The following NQO2 variants were observed in gnomAD, a reference collection of about 807,000 sequenced individuals.
NQO2 encodes the protein ribosyldihydronicotinamide dehydrogenase [quinone].
In NQO2, 18 loss-of-function variants were observed where a neutral mutation model predicts 22.0. That is an observed-to-expected ratio of 0.82 (90% CI 0.56 to 1.21). NQO2 has a LOEUF of 1.21. Among genes scored for constraint, NQO2 ranks in the 50% most tolerant of loss-of-function variants. NQO2 has a pLI of 0.00. For synonymous variants in NQO2, 106 were observed against 110.8 expected, an observed-to-expected ratio of 0.96 and a Z score of 0.28; for missense variants, 267 against 286.9, an observed-to-expected ratio of 0.93 and a Z score of 0.50.
intron 1 of NQO2, among the ~76,000 whole-genome samples, chr6:3,003,169 T>A (rs1756796663): frequency 2.0e-5 from 3 of 152,166 alleles, no homozygotes; most frequent in Admixed American, 2.0e-4. Flanking sequence ...CTCACTCTCC[T>A]CTCTTTTTCC....
intron 2 of NQO2, among the ~76,000 whole-genome samples, chr6:3,007,624 A>G (rs1468938679): frequency 6.6e-6 from 1 of 152,244 alleles, no homozygotes; most frequent in Non-Finnish European, 1.5e-5. Flanking sequence ...GTCAGTATAT[A>G]AGCCTGGAGA....
intron 1 of NQO2, among the ~76,000 whole-genome samples, chr6:3,000,629 C>T (rs1186335725): frequency 6.6e-6 from 1 of 151,910 alleles, no homozygotes; most frequent in Admixed American, 6.5e-5. Flanking sequence ...GCAACCTCCG[C>T]CTCCCGGGTT....
chr6:3,007,725 C>T (rs1418102848), intron 2 of NQO2, among the ~76,000 whole-genome samples: 1 of 152,190 alleles, frequency 6.6e-6, no homozygotes, highest in Non-Finnish European at 1.5e-5. Flanking sequence ...CTAGAGTCCT[C>T]TTTGTTATCA....
intron 3 of NQO2, 35 bp downstream of exon 3, chr6:3,010,224 C>A: frequency 6.6e-7 from 1 of 1,508,426 alleles, no homozygotes; most frequent in South Asian, 1.3e-5. Flanking sequence ...TTTATAAAAA[C>A]CATCTTTATG....
chr6:3,017,062 A>G (rs1233865528), intron 6 of NQO2, 77 bp downstream of exon 6: 2 of 1,490,736 alleles, frequency 1.3e-6, no homozygotes, highest in African/African-American at 2.8e-5. Context: ...ATGCATACAC[A>G]CACACACGCA....
intron 1 of NQO2, chr6:3,005,551 C>T (rs1366668284): frequency 1.6e-6 from 1 of 632,708 alleles, no homozygotes; most frequent in Non-Finnish European, 2.0e-6. Flanking sequence ...GGAGAAAAGC[C>T]TACACAAGCC....
chr6:3,006,409 G>A lies in NQO2; in HGVS notation c.-85-59G>A. On this transcript the variant is annotated intron_variant, in intron 1 of 6. Coordinates refer to ENST00000380455, the MANE Select transcript of NQO2 (RefSeq NM_000904.6). The surrounding 1 kb of genome is among the most constrained non-coding windows in gnomAD (Gnocchi z 4.0). ...GAAGCAGCAGTGATGCCTAGATGTG[G>A]TACATTCGACCTCACCTATGCCTCT... 4 of 1,493,266 alleles carry A rather than the reference G, an allele frequency of 2.7e-6. No individual in the cohort carries two copies. The highest frequency in any genetic ancestry group is 3.6e-6 in the Non-Finnish European group (4 of 1,124,274). The allele number at this position is 1,493,266 out of a possible 1,614,324, so 92.5% of individuals were successfully genotyped here. A position where few individuals can be genotyped will look rare whatever the true frequency, so the allele number is the denominator to read the frequency against.
At chr6:3,017,191 A>G (rs28383640) in intron 6 of NQO2, among the ~76,000 whole-genome samples, 1 of 152,220 alleles carries the variant, frequency 6.6e-6, no homozygotes, top group Non-Finnish European at 1.5e-5. Flanking sequence ...CCCCTTTTAA[A>G]TGCTTTACTT....
chr6:3,002,912 C>G (rs970862635), intron 1 of NQO2, among the ~76,000 whole-genome samples: 1 of 152,138 alleles, frequency 6.6e-6, no homozygotes, highest in African/African-American at 2.4e-5. Context: ...CACCACCACA[C>G]CTGGCTAATT....
At chr6:3,005,527 A>T (rs1016243771) in intron 1 of NQO2, 2 of 390,868 alleles carry the variant, frequency 5.1e-6, no homozygotes, top group Non-Finnish European at 7.0e-6. Flanking sequence ...CTTACTGACC[A>T]TTCATACATC....
At chr6:3,017,327 C>T (rs1274912902) in intron 6 of NQO2, among the ~76,000 whole-genome samples, 2 of 152,174 alleles carry the variant, frequency 1.3e-5, no homozygotes, top group South Asian at 2.1e-4. Flanking sequence ...GGTGGCCCTG[C>T]GTGTGTTGTG....
At chr6:3,018,604 G>A (rs1757421372) in intron 6 of NQO2, among the ~76,000 whole-genome samples, 2 of 152,170 alleles carry the variant, frequency 1.3e-5, no homozygotes, top group South Asian at 2.1e-4. Flanking sequence ...ACCTGACAGG[G>A]CAGGCCTGGA....
At chr6:3,005,795 C>G in intron 1 of NQO2, 1 of 985,386 alleles carries the variant, frequency 1.0e-6, no homozygotes, top group African/African-American at 1.7e-5. Flanking sequence ...CTGTCTCTCT[C>G]TCACTCTTCT....
rs751029943 is a variant in NQO2 at position 3,019,677 on chromosome 6, C to T, written c.*22C>T. Reference sequence around the variant, plus strand: ...ATAACTCTGTGGCACGTGGGCATCACGTAAGCAGCACACTAGGAGGCCCAG... The same window carrying T: ...ATAACTCTGTGGCACGTGGGCATCATGTAAGCAGCACACTAGGAGGCCCAG... On this transcript the variant is annotated 3_prime_UTR_variant, in exon 7 of 7. Transcript: ENST00000380455. The T allele has an allele frequency of 1.8e-5, 28 of 1,576,422 alleles. No homozygotes were observed. Among genetic ancestry groups the T allele is most frequent in the Non-Finnish European group, 2.2e-5 (26 of 1,158,372 alleles).
intron 6 of NQO2, chr6:3,019,267 A>G (rs1757450351): frequency 4.3e-6 from 3 of 702,058 alleles, no homozygotes; most frequent in African/African-American, 1.9e-5. Context: ...GAGCTTGGAA[A>G]TTGCAACTGC....
chr6:3,009,563 G>C (rs553345562), intron 2 of NQO2, among the ~76,000 whole-genome samples: 21 of 152,362 alleles, frequency 1.4e-4, no homozygotes, highest in African/African-American at 4.8e-4. Flanking sequence ...AGTGATAACT[G>C]TCCATGAAAT....
At chr6:3,008,426 A>AAAT (rs1757022812) in intron 2 of NQO2, among the ~76,000 whole-genome samples, 1 of 150,096 alleles carries the variant, frequency 6.7e-6, no homozygotes, top group Non-Finnish European at 1.5e-5. Flanking sequence ...AAAAAAAAAA[A>AAAT]AGAAAAAGAA....
intron 6 of NQO2, 134 bp from the exon 7 acceptor site, chr6:3,019,345 G>T: frequency 1.4e-6 from 2 of 1,411,114 alleles, no homozygotes; most frequent in South Asian, 1.8e-5. Flanking sequence ...GCTTTCAGTT[G>T]CCTGTAACAT....
chr6:3,013,775 C>T (rs1191469534), intron 4 of NQO2, among the ~76,000 whole-genome samples: 1 of 152,166 alleles, frequency 6.6e-6, no homozygotes, highest in African/African-American at 2.4e-5. Flanking sequence ...CGCACATGAG[C>T]TTTGAGGGAA....
Sources: gnomAD v4.1 joint callset for allele counts (sites outside exome capture counted in the v4.1 genomes callset) on GRCh38, gnomAD v4.1.1 for gene constraint, Gnocchi (gnomAD v3.1) non-coding constraint, MANE v1.5 for transcripts, NCBI Gene and HGNC (gene_info 2026-07-23, HGNC 2026-07-21) for gene names.